Variants in ADARB2 observed in about 807,000 individuals in gnomAD.
The protein encoded by ADARB2 is inactive double-stranded RNA-specific editase B2.
A neutral mutation model predicts 62.2 loss-of-function variants in ADARB2; 25 were observed. The observed-to-expected ratio is 0.40, with a 90% CI of 0.29 to 0.56. The LOEUF (loss-of-function observed/expected upper bound fraction) is 0.56. ADARB2 is among the 20% of genes least tolerant of loss of function. The pLI is 0.43. For synonymous variants in ADARB2, 572 were observed against 500.8 expected (o/e 1.14, Z -1.90); for missense variants, 1,071 against 1,077.4 (o/e 0.99, Z 0.08).
At chr10:1,464,972 G>T (rs1238450552) in intron 1 of ADARB2, among the ~76,000 whole-genome samples, 2 of 152,222 alleles carry the variant, frequency 1.3e-5, no homozygotes, top group Non-Finnish European at 2.9e-5. Flanking sequence ...TTGGTTCATC[G>T]TCACCCTGAA....
At chr10:1,471,262 C>A (rs1831318889) in intron 1 of ADARB2, among the ~76,000 whole-genome samples, 1 of 152,228 alleles carries the variant, frequency 6.6e-6, no homozygotes, top group South Asian at 2.1e-4. Context: ...TCCCACCGTT[C>A]TCCTTCTGAA....
At chr10:1,304,232 C>G (rs1831604160) in intron 3 of ADARB2, among the ~76,000 whole-genome samples, 1 of 152,124 alleles carries the variant, frequency 6.6e-6, no homozygotes, top group Admixed American at 6.5e-5. Flanking sequence ...ATCCTAGTCT[C>G]TGATAAAACA....
chr10:1,678,318 T>C (rs2119114505), intron 1 of ADARB2: 5 of 983,258 alleles, frequency 5.1e-6, no homozygotes, highest in Non-Finnish European at 6.0e-6. Flanking sequence ...GGTGAGCGTC[T>C]TCAGGGTGAA....
At chr10:1,587,532 T>G (rs1833196522) in intron 1 of ADARB2, among the ~76,000 whole-genome samples, 1 of 150,116 alleles carries the variant, frequency 6.7e-6, no homozygotes, top group South Asian at 2.1e-4. Flanking sequence ...TTGGTCTATT[T>G]GTTGTTTTGA....
intron 1 of ADARB2, among the ~76,000 whole-genome samples, chr10:1,586,635 C>T (rs954166393): frequency 2.0e-5 from 3 of 152,124 alleles, no homozygotes; most frequent in African/African-American, 7.2e-5. Flanking sequence ...CTTTTTCTTT[C>T]AAGTAAATCT....
At chr10:1,357,520 T>C (rs1485463341) in intron 3 of ADARB2, among the ~76,000 whole-genome samples, 1 of 152,198 alleles carries the variant, frequency 6.6e-6, no homozygotes, top group Non-Finnish European at 1.5e-5. Context: ...CTGGTTAAAT[T>C]TGAATTTCAG....
chr10:1,294,368 C>T (rs933753485), intron 3 of ADARB2, among the ~76,000 whole-genome samples: 3 of 152,092 alleles, frequency 2.0e-5, no homozygotes, highest in South Asian at 2.1e-4. Flanking sequence ...GGCGGGGTGA[C>T]GTGGCTCCTC....
intron 3 of ADARB2, among the ~76,000 whole-genome samples, chr10:1,305,602 AAG>A (rs1346543121): frequency 6.6e-6 from 1 of 152,148 alleles, no homozygotes; most frequent in African/African-American, 2.4e-5. Flanking sequence ...ACAACCAAAA[AAG>A]AGAATTTTAG....
rs71376899 is a variant in ADARB2, at chr10:1,234,737, CTTTTTTTTTTTTTTTTTTTT to C, written c.1362-912_1362-893del. Among the ~76,000 whole-genome samples the C allele has an allele frequency of 3.7e-5, 2 of 53,634 alleles. 1 individual carries two copies. Among genetic ancestry groups the C allele is most frequent in the Middle Eastern group, 0.034 (2 of 58 alleles). 35.2% of individuals were successfully genotyped at this position (53,634 alleles called of 152,430 possible). On this transcript the variant is annotated intron_variant, in intron 5 of 9. Coordinates refer to ENST00000381312, the MANE Select transcript of ADARB2 (RefSeq NM_018702.4). Reference sequence around the variant, plus strand: ...GATTACAGGTGCGAGCGACCATGATCTTTTTTTTTTTTTTTTTTTTTTTTTTTTTTTGTGACGGAGTCTTG... The same window carrying C: ...GATTACAGGTGCGAGCGACCATGATCTTTTTTTTTTTGTGACGGAGTCTTG...
intron 1 of ADARB2, among the ~76,000 whole-genome samples, chr10:1,693,191 G>A (rs1477520183): frequency 6.6e-6 from 1 of 152,198 alleles, no homozygotes. Context: ...GCTCCGGGGA[G>A]AGTAAAAGCC....
At chr10:1,542,756 C>T (rs1283668149) in intron 1 of ADARB2, among the ~76,000 whole-genome samples, 2 of 73,594 alleles carry the variant, frequency 2.7e-5, no homozygotes, top group Non-Finnish European at 5.4e-5. Flanking sequence ...GGATCACAGC[C>T]GCCCAGACCC....
chr10:1,723,662 T>C (rs760895643), intron 1 of ADARB2, among the ~76,000 whole-genome samples: 4 of 152,096 alleles, frequency 2.6e-5, no homozygotes, highest in Admixed American at 6.5e-5. Context: ...CTTCTTAGAA[T>C]CACCACGGTT....
At chr10:1,251,182 G>A (rs1831034408) in intron 4 of ADARB2, among the ~76,000 whole-genome samples, 1 of 152,182 alleles carries the variant, frequency 6.6e-6, no homozygotes, top group Non-Finnish European at 1.5e-5. Flanking sequence ...AAACAAGCAA[G>A]ATATCTTTCA....
chr10:1,669,064 G>A (rs1450323164), intron 1 of ADARB2, among the ~76,000 whole-genome samples: 4 of 152,198 alleles, frequency 2.6e-5, no homozygotes, highest in Non-Finnish European at 5.9e-5. Flanking sequence ...CAAATGGAGA[G>A]GACATTTTAT....
At chr10:1,602,662 AC>A (rs1464988603) in intron 1 of ADARB2, among the ~76,000 whole-genome samples, 1 of 87,822 alleles carries the variant, frequency 1.1e-5, no homozygotes, top group Non-Finnish European at 2.7e-5. Context: ...CTGTACATAC[AC>A]ATCCACACAC....
At chr10:1,582,896 C>T (rs1833125010) in intron 1 of ADARB2, among the ~76,000 whole-genome samples, 1 of 152,184 alleles carries the variant, frequency 6.6e-6, no homozygotes, top group Admixed American at 6.5e-5. Context: ...CTATAAGAGC[C>T]CCCAGCTCTG....
intron 1 of ADARB2, among the ~76,000 whole-genome samples, chr10:1,597,020 C>G (rs968061744): frequency 1.3e-5 from 2 of 151,964 alleles, no homozygotes; most frequent in African/African-American, 4.8e-5. Flanking sequence ...CCAGGAGCCA[C>G]GAGACTCAAG....
At chr10:1,453,738 G>A (rs1831065025) in intron 1 of ADARB2, among the ~76,000 whole-genome samples, 1 of 152,098 alleles carries the variant, frequency 6.6e-6, no homozygotes, top group Non-Finnish European at 1.5e-5. Flanking sequence ...CAGCCAGTAC[G>A]CACACGGAAA....
At chr10:1,505,617 C>T (rs569789271) in intron 1 of ADARB2, among the ~76,000 whole-genome samples, 16 of 152,314 alleles carry the variant, frequency 1.1e-4, no homozygotes, top group African/African-American at 3.6e-4. Context: ...AGCCGCCTCC[C>T]CACACCTGTG....
Sources: gnomAD v4.1 joint callset for allele counts (sites outside exome capture counted in the v4.1 genomes callset) on GRCh38, gnomAD v4.1.1 for gene constraint, MANE v1.5 for transcripts, NCBI Gene and HGNC (gene_info 2026-07-23, HGNC 2026-07-21) for gene names.